Variants in THBD observed in about 807,000 individuals in gnomAD.
THBD encodes the protein CD141 antigen.
For synonymous variants in THBD, 449 were observed against 374.2 expected (o/e 1.20, Z -2.31); for missense variants, 850 against 816.9 (o/e 1.04, Z -0.49).
Position 23,048,100 on chromosome 20 carries a change from C to T in THBD, c.1405G>A (p.Asp469Asn), listed in dbSNP as rs780533499. The change falls in exon 1 of 1, where the codon GAC becomes AAC. Residue 469 changes from aspartate (D) to asparagine (N), a missense_variant. Asp to Asn is a conservative substitution (Grantham distance 23). Coordinates refer to ENST00000377103, the MANE Select transcript of THBD (RefSeq NM_000361.3). ...CCAATGTGGCGGGCAAGGGCCGAGT[C>T]GGGCCCGCAGATGCACTCGAAGGTA... Reference protein sequence around the residue: ...PGTFECICGPDSALARHIGTD... With the variant: ...PGTFECICGPNSALARHIGTD... 2 of 1,612,934 alleles carry T rather than the reference C, an allele frequency of 1.2e-6. No homozygotes were observed. The highest frequency in any genetic ancestry group is 1.1e-5 in the South Asian group (1 of 91,046).
Position 23,048,272 on chromosome 20 carries a change from A to T in THBD, c.1233T>A (p.Thr411=). The part of the protein sequence containing the change: ...PHRCQMFCNQ[T]ACPADCDPNT... ...TGGGGTCGCAGTCGGCTGGACAGGC[A>T]GTCTGGTTGCAAAACATCTGGCACC... Residue 411 remains threonine (T), a synonymous_variant, in exon 1 of 1, where the codon ACT becomes ACA. Transcript: ENST00000377103. 1.2e-6 allele frequency: 2 copies of T among 1,613,928 alleles called. No individual in the cohort carries two copies. The highest frequency in any genetic ancestry group is 1.7e-6 in the Non-Finnish European group (2 of 1,180,036).
rs3176134 is a variant in THBD, at chr20:23,047,500, C to T, written c.*277G>A. The stretch of plus-strand genomic sequence containing the variant: ...CCAATAACGCTCACCCTCCTGCGCC[C>T]GGTAGTGAGGACCTGGGACAAATCG... On this transcript the variant is annotated 3_prime_UTR_variant, in exon 1 of 1. Coordinates refer to ENST00000377103, the MANE Select transcript of THBD (RefSeq NM_000361.3). The T allele has an allele frequency of 0.01, 5,567 of 536,092 alleles. 208 individuals carry two copies. The highest frequency in any genetic ancestry group is 0.1 in the East Asian group (3,356 of 32,932). The allele number at this position is 536,092 out of a possible 1,614,324, so 33.2% of individuals were successfully genotyped here. A position where few individuals can be genotyped will look rare whatever the true frequency, so the allele number is the denominator to read the frequency against.
chr20:23,046,035 T>G lies in THBD; in HGVS notation c.*1742A>C, dbSNP rs1002114154. On this transcript the variant is annotated 3_prime_UTR_variant, in exon 1 of 1. Transcript: ENST00000377103. Reference sequence around the variant, plus strand: ...TGTTTATTTTGTACAAGTGATGTCATAAGCAAGGATTTTGCCTGTGTTCTA... The same window carrying G: ...TGTTTATTTTGTACAAGTGATGTCAGAAGCAAGGATTTTGCCTGTGTTCTA... 1 of 152,274 alleles carries G rather than the reference T, an allele frequency of 6.6e-6. No homozygotes were observed. Among genetic ancestry groups the G allele is most frequent in the Non-Finnish European group, 1.5e-5 (1 of 68,032 alleles). The allele number at this position is 152,274 out of a possible 1,614,324, so 9.4% of individuals were successfully genotyped here.
chr20:23,047,759 C>A lies in THBD; in HGVS notation c.*18G>T, dbSNP rs1239891261. 14 of 1,564,296 alleles carry A rather than the reference C, an allele frequency of 8.9e-6. No homozygotes were observed. In the African/African-American group the frequency reaches 9.5e-5, roughly 11 times the overall value. ...GCACAGGCTCCTGGACGGAGCCAGG[C>A]TCCTGGACGGAGGCCGCTCAGAGTC... On this transcript the variant is annotated 3_prime_UTR_variant, in exon 1 of 1. Coordinates refer to ENST00000377103, the MANE Select transcript of THBD (RefSeq NM_000361.3).
rs754916981 is a variant in THBD at position 23,048,473 on chromosome 20, C to T, written c.1032G>A (p.Gln344=). The change falls in exon 1 of 1, where the codon CAG becomes CAA. Residue 344 remains glutamine, a synonymous_variant. Coordinates refer to ENST00000377103, the MANE Select transcript of THBD (RefSeq NM_000361.3). Reference sequence around the variant, plus strand: ...GGTAGCAGTGGCACTCGAAGCCACCCTGTGTGTTGACACAGCGCTGCGGAC... The same window carrying T: ...GGTAGCAGTGGCACTCGAAGCCACCTTGTGTGTTGACACAGCGCTGCGGAC... ...SPCPQRCVNT[Q]GGFECHCYPN... 31 of 1,612,416 alleles carry T rather than the reference C, an allele frequency of 1.9e-5. No individual in the cohort carries two copies. Among genetic ancestry groups the T allele is most frequent in the Non-Finnish European group, 1.7e-6 (2 of 1,180,042 alleles).
At position 23,049,347 on chromosome 20, in the gene THBD, T is replaced by C. The variant is rs121918667; in HGVS notation, c.158A>G (p.Asp53Gly). The change falls in exon 1 of 1, where the codon GAC becomes GGC. Residue 53 changes from aspartate to glycine, a missense_variant. Asp to Gly is a moderately conservative substitution (Grantham distance 94). Transcript: ENST00000377103. ...TGTCATTAGGTGGCCCCGCAGTCCG[T>C]CGCAGATCTGACTGGCATTGAGGAA... Reference protein sequence around the residue: ...ATFLNASQICDGLRGHLMTVR... With the variant: ...ATFLNASQICGGLRGHLMTVR... 2.5e-6 allele frequency: 4 copies of C among 1,605,448 alleles called. No homozygotes were observed. The highest frequency in any genetic ancestry group is 3.4e-6 in the Non-Finnish European group (4 of 1,177,122).
chr20:23,047,767 C>T lies in THBD; in HGVS notation c.*10G>A, dbSNP rs13306851. 23 of 1,571,722 alleles carry T rather than the reference C, an allele frequency of 1.5e-5. No homozygotes were observed. In the East Asian group the frequency reaches 3.5e-4, roughly 24 times the overall value. On this transcript the variant is annotated 3_prime_UTR_variant, in exon 1 of 1. Coordinates refer to ENST00000377103, the MANE Select transcript of THBD (RefSeq NM_000361.3). ...TCCTGGACGGAGCCAGGCTCCTGGA[C>T]GGAGGCCGCTCAGAGTCTCTGCGGC...
In THBD at chr20:23,049,133, C is replaced by T; in HGVS notation, c.372G>A (p.Arg124=). Residue 124 remains arginine, a synonymous_variant, in exon 1 of 1, where the codon CGG becomes CGA. Coordinates refer to ENST00000377103, the MANE Select transcript of THBD (RefSeq NM_000361.3). ...AGAGGGGAGCCCCATTGAGGTCGAG[C>T]CGTGCCCACCTGCTATAGCTGGTGT... ...DNNTSYSRWA[R]LDLNGAPLCG... 1 of 1,592,382 alleles carries T rather than the reference C, an allele frequency of 6.3e-7. No homozygotes were observed. The highest frequency in any genetic ancestry group is 8.5e-7 in the Non-Finnish European group (1 of 1,170,492).
rs1390746246 is a variant in THBD at position 23,047,756 on chromosome 20, A to T, written c.*21T>A. The T allele has an allele frequency of 6.4e-7, 1 of 1,560,448 alleles. No homozygotes were observed. Among genetic ancestry groups the T allele is most frequent in the South Asian group, 1.2e-5 (1 of 85,666 alleles). On this transcript the variant is annotated 3_prime_UTR_variant, in exon 1 of 1. Coordinates refer to ENST00000377103, the MANE Select transcript of THBD (RefSeq NM_000361.3). The stretch of plus-strand genomic sequence containing the variant: ...GAGGCACAGGCTCCTGGACGGAGCC[A>T]GGCTCCTGGACGGAGGCCGCTCAGA...
Position 23,048,123 on chromosome 20 carries a change from G to A in THBD, c.1382C>T (p.Thr461Ile), listed in dbSNP as rs755524664. 6.2e-7 allele frequency: 1 copy of A among 1,613,598 alleles called. No individual in the cohort carries two copies. The highest frequency in any genetic ancestry group is 1.1e-5 in the South Asian group (1 of 91,088). ...GTCGGGCCCGCAGATGCACTCGAAGGTACCGGGGAGGTTGTGGCACACCCC... is the reference window on the plus strand; with the variant it reads ...GTCGGGCCCGCAGATGCACTCGAAGATACCGGGGAGGTTGTGGCACACCCC... ...CSGVCHNLPG[T>I]FECICGPDSA... The change falls in exon 1 of 1, where the codon ACC becomes ATC. Residue 461 changes from threonine to isoleucine, a missense_variant. Transcript: ENST00000377103.
At position 23,049,094 on chromosome 20, in the gene THBD, G is replaced by A. The variant is rs1984666785; in HGVS notation, c.411C>T (p.Cys137=). 7 of 1,584,218 alleles carry A rather than the reference G, an allele frequency of 4.4e-6. No homozygotes were observed. Among genetic ancestry groups the A allele is most frequent in the Non-Finnish European group, 5.1e-6 (6 of 1,167,078 alleles). Residue 137 remains cysteine, a synonymous_variant, in exon 1 of 1, where the codon TGC becomes TGT. Coordinates refer to ENST00000377103, the MANE Select transcript of THBD (RefSeq NM_000361.3). ...TGGCCTCAGCAGCGGAGACAGCGAC[G>A]CACAACGGGCCGCAGAGGGGAGCCC... ...LNGAPLCGPL[C]VAVSAAEATV...
chr20:23,048,696 C>A lies in THBD; in HGVS notation c.809G>T (p.Gly270Val). 6.3e-7 allele frequency: 1 copy of A among 1,584,388 alleles called. No individual in the cohort carries two copies. Among genetic ancestry groups the A allele is most frequent in the Non-Finnish European group, 8.5e-7 (1 of 1,172,624 alleles). The change falls in exon 1 of 1, where the codon GGC (glycine) becomes GTC (valine). Residue 270 changes from glycine to valine, a missense_variant. Coordinates refer to ENST00000377103, the MANE Select transcript of THBD (RefSeq NM_000361.3). ...PGAPRCQCPA[G>V]AALQADGRSC... ...GCGCCCGTCTGCCTGCAGGGCGGCG[C>A]CGGCTGGGCACTGGCAGCGGGGAGC...
chr20:23,048,968 A>T lies in THBD; in HGVS notation c.537T>A (p.Ala179=). 1 of 1,559,894 alleles carries T rather than the reference A, an allele frequency of 6.4e-7. No homozygotes were observed. The highest frequency in any genetic ancestry group is 1.2e-5 in the South Asian group (1 of 85,670). ...CGGCAGCCGCGGCGCCGGGCTCCACAGCCAGTGGCCTGCAGGTGGCTGGGA... is the reference window on the plus strand; with the variant it reads ...CGGCAGCCGCGGCGCCGGGCTCCACTGCCAGTGGCCTGCAGGTGGCTGGGA... The part of the protein sequence containing the change: ...FHFPATCRPL[A]VEPGAAAAAV... The change falls in exon 1 of 1, where the codon GCT becomes GCA. Residue 179 remains alanine, a synonymous_variant. Coordinates refer to ENST00000377103, the MANE Select transcript of THBD (RefSeq NM_000361.3).
At position 23,049,057 on chromosome 20, in the gene THBD, C is replaced by T. The variant is rs1292366066; in HGVS notation, c.448G>A (p.Glu150Lys). Residue 150 changes from glutamate (E) to lysine (K), a missense_variant, in exon 1 of 1, where the codon GAG becomes AAG. Glu to Lys is a moderately conservative substitution (Grantham distance 56). Transcript: ENST00000377103. ...VSAAEATVPS[E>K]PIWEEQQCEV... Reference sequence around the variant, plus strand: ...CACTGCTGCTCCTCCCAGATCGGCTCGCTGGGCACAGTGGCCTCAGCAGCG... The same window carrying T: ...CACTGCTGCTCCTCCCAGATCGGCTTGCTGGGCACAGTGGCCTCAGCAGCG... 3.2e-6 allele frequency: 5 copies of T among 1,569,730 alleles called. No homozygotes were observed. The highest frequency in any genetic ancestry group is 2.7e-5 in the African/African-American group (2 of 74,212).
Position 23,047,689 on chromosome 20 carries a change from T to C in THBD, c.*88A>G. The C allele has an allele frequency of 6.9e-7, 1 of 1,453,174 alleles. No individual in the cohort carries two copies. The highest frequency in any genetic ancestry group is 9.2e-7 in the Non-Finnish European group (1 of 1,081,418). The allele number at this position is 1,453,174 out of a possible 1,614,324, so 90.0% of individuals were successfully genotyped here. A position where few individuals can be genotyped will look rare whatever the true frequency, so the allele number is the denominator to read the frequency against. On this transcript the variant is annotated 3_prime_UTR_variant, in exon 1 of 1. Transcript: ENST00000377103. Reference sequence around the variant, plus strand: ...GTGCGGGGAGGGTCTTCTCCAGCTGTAATGCCAGCTAAGGTGCTTTGGTAG... The same window carrying C: ...GTGCGGGGAGGGTCTTCTCCAGCTGCAATGCCAGCTAAGGTGCTTTGGTAG...
Position 23,047,835 on chromosome 20 carries a change from G to C in THBD, c.1670C>G (p.Pro557Arg). 1 of 1,599,686 alleles carries C rather than the reference G, an allele frequency of 6.3e-7. No homozygotes were observed. Among genetic ancestry groups the C allele is most frequent in the South Asian group, 1.1e-5 (1 of 88,700 alleles). ...GTGCTGCAGCACTACCTCCTTGGAA[G>C]GGGCCGCGCACTTGTACTCCATCTT... ...RAKMEYKCAA[P>R]SKEVVLQHVR... Residue 557 changes from proline (P) to arginine (R), a missense_variant, in exon 1 of 1, where the codon CCT becomes CGT. By Grantham distance (103) the Pro-to-Arg change is moderately radical. Transcript: ENST00000377103.
At position 23,046,769 on chromosome 20, in the gene THBD, T is replaced by C. The variant is rs1476175587; in HGVS notation, c.*1008A>G. 6.6e-6 allele frequency: 1 copy of C among 152,260 alleles called. No individual in the cohort carries two copies. Among genetic ancestry groups the C allele is most frequent in the Non-Finnish European group, 1.5e-5 (1 of 68,044 alleles). The allele number at this position is 152,260 out of a possible 1,614,324, so 9.4% of individuals were successfully genotyped here. A position where few individuals can be genotyped will look rare whatever the true frequency, so the allele number is the denominator to read the frequency against. ...AACTGTCTCCTGGGAGGTGTTTGTC[T>C]CTTCTCTCAATCTAGAGCAACCTTC... On this transcript the variant is annotated 3_prime_UTR_variant, in exon 1 of 1. Transcript: ENST00000377103.
chr20:23,049,379 G>A lies in THBD; in HGVS notation c.126C>T (p.Pro42=). The part of the protein sequence containing the change: ...EHDCFALYPG[P]ATFLNASQIC... ...TCTGACTGGCATTGAGGAAGGTCGC[G>A]GGGCCCGGGTAGAGCGCGAAGCAGT... The change falls in exon 1 of 1, where the codon CCC becomes CCT. Residue 42 remains proline, a synonymous_variant. Transcript: ENST00000377103. 1 of 1,602,096 alleles carries A rather than the reference G, an allele frequency of 6.2e-7. No individual in the cohort carries two copies. Among genetic ancestry groups the A allele is most frequent in the African/African-American group, 1.3e-5 (1 of 74,930 alleles).
chr20:23,049,277 G>A lies in THBD; in HGVS notation c.228C>T (p.Asn76=), dbSNP rs1383863476. The A allele has an allele frequency of 1.2e-5, 16 of 1,377,814 alleles. No individual in the cohort carries two copies. Among genetic ancestry groups the A allele is most frequent in the Middle Eastern group, 2.4e-4 (1 of 4,176 alleles). 85.3% of individuals were successfully genotyped at this position (1,377,814 alleles called of 1,614,324 possible). A position where few individuals can be genotyped will look rare whatever the true frequency, so the allele number is the denominator to read the frequency against. ...VAADVISLLL[N]GDGGVGRRRL... ...GCCGGCGGCCAACGCCGCCGTCGCC[G>A]TTCAGTAGCAAGGAAATGACATCGG... Residue 76 remains asparagine, a synonymous_variant, in exon 1 of 1, where the codon AAC becomes AAT. Transcript: ENST00000377103.
Sources: allele counts gnomAD v4.1 joint callset, GRCh38; gene constraint gnomAD v4.1.1; transcripts MANE v1.5; gene names NCBI Gene and HGNC (gene_info 2026-07-23, HGNC 2026-07-21).